DNAJC13: variants seen among roughly 807,000 people sequenced by gnomAD.
The protein encoded by DNAJC13 is DnaJ heat shock protein family (Hsp40) member C13, also known as dnaJ homolog subfamily C member 13.
A neutral mutation model predicts 290.5 loss-of-function variants in DNAJC13; 75 were observed. That is an observed-to-expected ratio of 0.26 (90% CI 0.21 to 0.31). The LOEUF is 0.31. Ranked by LOEUF, DNAJC13 falls within the 10% of genes least tolerant of loss-of-function variation. The pLI, the probability that DNAJC13 is intolerant of heterozygous loss-of-function variation, is 1.00. For missense variants in DNAJC13, 2,260 were observed against 2,674.5 expected (o/e 0.85, Z 3.42); for synonymous variants, 862 against 892.0 (o/e 0.97, Z 0.60).
rs112750944 is a variant in DNAJC13 at position 132,528,167 on chromosome 3, A to T, written c.6382-22A>T. 14 of 1,612,764 alleles carry T rather than the reference A, an allele frequency of 8.7e-6. No homozygotes were observed. The South Asian group carries it at 1.4e-4, about 16-fold the overall frequency. The stretch of plus-strand genomic sequence containing the variant: ...ATTTGCATTTTTTCTGTGTGTTTAT[A>T]TATGCTTAATATTTCTTCTAGGCCC... On this transcript the variant is annotated intron_variant, in intron 53 of 55. Coordinates refer to ENST00000260818, the MANE Select transcript of DNAJC13 (RefSeq NM_015268.4).
chr3:132,530,655 C>G (rs1331418308), intron 54 of DNAJC13, among the ~76,000 whole-genome samples: 2 of 152,204 alleles, frequency 1.3e-5, no homozygotes, highest in Non-Finnish European at 2.9e-5. Flanking sequence ...AGGAATAGCT[C>G]ATCAGCCCAT....
At chr3:132,503,790 C>T (rs1005399998) in intron 41 of DNAJC13, among the ~76,000 whole-genome samples, 1 of 152,018 alleles carries the variant, frequency 6.6e-6, no homozygotes, top group Non-Finnish European at 1.5e-5. Context: ...TACATACATG[C>T]ACATATACAT....
chr3:132,432,523 G>C (rs1161635504), intron 1 of DNAJC13, among the ~76,000 whole-genome samples: 1 of 152,100 alleles, frequency 6.6e-6, no homozygotes, highest in Non-Finnish European at 1.5e-5. Context: ...ATTTTTTAGA[G>C]TGCATTTCTA....
chr3:132,494,692 T>A, intron 34 of DNAJC13, among the ~76,000 whole-genome samples: 1 of 152,306 alleles, frequency 6.6e-6, no homozygotes, highest in South Asian at 2.1e-4. Flanking sequence ...GACTATGTTA[T>A]GGAAAAATGG....
At chr3:132,461,945 A>C (rs1364762164) in intron 15 of DNAJC13, among the ~76,000 whole-genome samples, 1 of 152,042 alleles carries the variant, frequency 6.6e-6, no homozygotes, top group Non-Finnish European at 1.5e-5. Context: ...CTCCTGCCTC[A>C]GCCTCCCAAA....
Position 132,528,347 on chromosome 3 carries a change from A to G in DNAJC13, c.6525+15A>G. 6.2e-7 allele frequency: 1 copy of G among 1,613,234 alleles called. No individual in the cohort carries two copies. The highest frequency in any genetic ancestry group is 2.2e-5 in the East Asian group (1 of 44,860). Reference sequence around the variant, plus strand: ...ATGGAGAACAGGTGAGTCTGCATAGAGTCAACTTTTGATATTCTAAAAGCC... The same window carrying G: ...ATGGAGAACAGGTGAGTCTGCATAGGGTCAACTTTTGATATTCTAAAAGCC... On this transcript the variant is annotated intron_variant, in intron 54 of 55. Transcript: ENST00000260818.
intron 1 of DNAJC13, among the ~76,000 whole-genome samples, chr3:132,426,403 A>C (rs1025716965): frequency 6.6e-6 from 1 of 152,220 alleles, no homozygotes. Flanking sequence ...GCAGGAATGA[A>C]GGAGATGAAA....
chr3:132,484,283 GA>G, intron 28 of DNAJC13: 5 of 419,226 alleles, frequency 1.2e-5, no homozygotes, highest in African/African-American at 4.1e-5. Context: ...CCCTTTGGGG[GA>G]AAATACCCAC....
chr3:132,437,519 T>C (rs1269652164), intron 2 of DNAJC13, among the ~76,000 whole-genome samples: 1 of 152,236 alleles, frequency 6.6e-6, no homozygotes, highest in Non-Finnish European at 1.5e-5. Flanking sequence ...TCTAAATTCA[T>C]TCCTTTGCAT....
intron 46 of DNAJC13, 121 bp downstream of exon 46, chr3:132,514,791 T>A: frequency 1.4e-6 from 1 of 703,488 alleles, no homozygotes; most frequent in Non-Finnish European, 2.4e-6. Context: ...AAGTGTTATT[T>A]ACACTAGATT....
intron 37 of DNAJC13, 44 bp downstream of exon 37, chr3:132,499,354 CATT>C (rs750113019): frequency 2.1e-6 from 3 of 1,442,964 alleles, no homozygotes; most frequent in African/African-American, 2.9e-5. Context: ...AGTTTACACA[CATT>C]ATATGACTCT....
At chr3:132,452,883 C>T (rs1933460587) in intron 6 of DNAJC13, among the ~76,000 whole-genome samples, 2 of 152,216 alleles carry the variant, frequency 1.3e-5, no homozygotes. Context: ...CATTCTTCAG[C>T]ATCATCTTGC....
intron 1 of DNAJC13, among the ~76,000 whole-genome samples, chr3:132,427,220 C>T (rs1009529652): frequency 8.6e-5 from 13 of 151,410 alleles, no homozygotes; most frequent in Non-Finnish European, 1.5e-4. Flanking sequence ...ACTGCAGCCT[C>T]AGCCTCCCAG....
chr3:132,464,997 A>G (rs1434105417), intron 17 of DNAJC13, among the ~76,000 whole-genome samples: 1 of 152,196 alleles, frequency 6.6e-6, no homozygotes, highest in Non-Finnish European at 1.5e-5. Context: ...AATTGCTGTT[A>G]TAAAATGTTA....
At chr3:132,517,759 G>A (rs1935960695) in intron 48 of DNAJC13, among the ~76,000 whole-genome samples, 2 of 151,636 alleles carry the variant, frequency 1.3e-5, no homozygotes, top group Non-Finnish European at 2.9e-5. Flanking sequence ...GTAAAGTTCA[G>A]TTTGAAAAAA....
intron 21 of DNAJC13, chr3:132,474,160 G>C (rs1934381446): frequency 6.6e-6 from 1 of 152,174 alleles, no homozygotes; most frequent in Non-Finnish European, 1.5e-5. Context: ...GATTCCATAT[G>C]CTTTACCCAG....
chr3:132,418,286 A>C (rs1938856842), intron 1 of DNAJC13, among the ~76,000 whole-genome samples: 1 of 152,006 alleles, frequency 6.6e-6, no homozygotes, highest in African/African-American at 2.4e-5. Flanking sequence ...TTTCTCCCCT[A>C]AGGCTTTTCC....
At chr3:132,442,967 T>C (rs1275616752) in intron 2 of DNAJC13, among the ~76,000 whole-genome samples, 1 of 152,202 alleles carries the variant, frequency 6.6e-6, no homozygotes, top group African/African-American at 2.4e-5. Context: ...GGTCATAGAT[T>C]TGTATGTTGA....
At chr3:132,512,211 T>C (rs1935797681) in intron 44 of DNAJC13, among the ~76,000 whole-genome samples, 2 of 152,216 alleles carry the variant, frequency 1.3e-5, no homozygotes, top group African/African-American at 4.8e-5. Flanking sequence ...GAAATCCTTC[T>C]GATAATATCC....
Sources: allele counts gnomAD v4.1 joint callset (sites outside exome capture counted in the v4.1 genomes callset), GRCh38; gene constraint gnomAD v4.1.1; transcripts MANE v1.5; gene names NCBI Gene and HGNC (gene_info 2026-07-23, HGNC 2026-07-21).